Variants in SRGAP2B observed in about 807,000 individuals in gnomAD.
SRGAP2B encodes SLIT-ROBO Rho GTPase-activating protein 2B.
SRGAP2B carries 9 observed loss-of-function variants against 22.2 expected under a neutral mutation model. That is an observed-to-expected ratio of 0.41 (90% CI 0.24 to 0.71). The LOEUF (loss-of-function observed/expected upper bound fraction) is 0.71. SRGAP2B is among the 30% of genes least tolerant of loss of function. The pLI is 0.35. For missense variants in SRGAP2B, 114 were observed against 235.8 expected (o/e 0.48, Z 3.38); for synonymous variants, 36 against 87.4 (o/e 0.41, Z 3.28).
At chr1:145,075,949 G>A (rs1437934342) in intron 2 of SRGAP2B, among the ~76,000 whole-genome samples, 5 of 149,668 alleles carry the variant, frequency 3.3e-5, no homozygotes, top group South Asian at 2.1e-4. Flanking sequence ...TTGGCCCAGC[G>A]TGGTGGCACG....
chr1:144,991,294 G>A (rs1290499663), intron 3 of SRGAP2B, among the ~76,000 whole-genome samples: 4 of 145,988 alleles, frequency 2.7e-5, no homozygotes, highest in Non-Finnish European at 6.0e-5. Flanking sequence ...TACACCAATC[G>A]GCACTCCATA....
chr1:144,971,947 C>T (rs1668556400), intron 3 of SRGAP2B, among the ~76,000 whole-genome samples: 1 of 149,634 alleles, frequency 6.7e-6, no homozygotes, highest in South Asian at 2.1e-4. Context: ...AAGCCCTTAG[C>T]ATCTCAAAGG....
At chr1:144,909,540 T>C (rs1321164385) in intron 5 of SRGAP2B, among the ~76,000 whole-genome samples, 2 of 142,490 alleles carry the variant, frequency 1.4e-5, no homozygotes, top group East Asian at 4.1e-4. Context: ...TGAGCCGAGA[T>C]CACGCCACTG....
At chr1:145,013,736 T>C (rs1291750163) in intron 2 of SRGAP2B, among the ~76,000 whole-genome samples, 2 of 149,478 alleles carry the variant, frequency 1.3e-5, no homozygotes, top group Non-Finnish European at 2.9e-5. Context: ...ACCGCAATCA[T>C]GGCAACTCCT....
intron 3 of SRGAP2B, among the ~76,000 whole-genome samples, chr1:144,976,127 G>A (rs868946514): frequency 8.8e-5 from 13 of 147,188 alleles, no homozygotes; most frequent in South Asian, 4.2e-4. Context: ...TGATCGGCCC[G>A]CCTCGGCCTC....
chr1:145,084,756 A>G (rs1653246538), intron 2 of SRGAP2B, among the ~76,000 whole-genome samples: 1 of 151,766 alleles, frequency 6.6e-6, no homozygotes, highest in Non-Finnish European at 1.5e-5. Context: ...TACCTTAGAA[A>G]GTTGGTCTGT....
intron 2 of SRGAP2B, among the ~76,000 whole-genome samples, chr1:145,002,867 C>T (rs587608668): frequency 7.1e-5 from 10 of 141,210 alleles, no homozygotes; most frequent in Admixed American, 2.1e-4. Context: ...GTGTTGAAAG[C>T]TCAGGAAGAT....
rs1237221616 is a variant in SRGAP2B at position 144,972,963 on chromosome 1, CTGGGCA to C, written c.261-17368_261-17363del. The stretch of plus-strand genomic sequence containing the variant: ...CTCTACCAAAAATACAAAAAACTAG[CTGGGCA>C]TGGTGGTGTGCACCTGTGGTCCTAG... On this transcript the variant is annotated intron_variant, in intron 3 of 9. Coordinates refer to ENST00000612199, the Ensembl canonical transcript of SRGAP2B. Among the ~76,000 whole-genome samples the C allele has an allele frequency of 2.9e-5, 4 of 138,062 alleles. 1 individual carries two copies. Among genetic ancestry groups the C allele is most frequent in the African/African-American group, 1.2e-4 (4 of 33,246 alleles). The allele number at this position is 138,062 out of a possible 152,430, so 90.6% of individuals were successfully genotyped here. A position where few individuals can be genotyped will look rare whatever the true frequency, so the allele number is the denominator to read the frequency against.
intron 2 of SRGAP2B, among the ~76,000 whole-genome samples, chr1:145,010,896 TATTTTCCGTATCATC>T (rs1440850979): frequency 5.0e-5 from 6 of 119,258 alleles, no homozygotes; most frequent in African/African-American, 2.1e-4. Context: ...TATACACTCT[TATTTTCCGTATCATC>T]ATTTTCCATC....
At chr1:144,945,713 C>A (rs1666446170) in intron 4 of SRGAP2B, among the ~76,000 whole-genome samples, 1 of 145,108 alleles carries the variant, frequency 6.9e-6, no homozygotes. Flanking sequence ...GGCCAGAAGG[C>A]AAGTGAATTA....
At chr1:145,015,307 G>A (rs868952573) in intron 2 of SRGAP2B, among the ~76,000 whole-genome samples, 11 of 109,796 alleles carry the variant, frequency 1.0e-4, no homozygotes, top group Admixed American at 1.9e-4. Flanking sequence ...TTGAACTCCT[G>A]GTCTCAAGTG....
chr1:144,931,525 A>G (rs1665181801), intron 4 of SRGAP2B, among the ~76,000 whole-genome samples: 1 of 150,716 alleles, frequency 6.6e-6, no homozygotes, highest in South Asian at 2.1e-4. Context: ...ATTCTGCAGA[A>G]AAGGTTGTGA....
At chr1:145,041,075 G>GTA (rs370443273) in intron 2 of SRGAP2B, among the ~76,000 whole-genome samples, 7,854 of 76,336 alleles carry the variant, frequency 0.1, 242 homozygotes, top group East Asian at 0.17. Context: ...TATATATATA[G>GTA]TATATATATA....
intron 2 of SRGAP2B, among the ~76,000 whole-genome samples, chr1:145,039,204 G>C (rs1343374894): frequency 5.3e-5 from 2 of 37,970 alleles, no homozygotes; most frequent in African/African-American, 1.9e-4. Flanking sequence ...ATGCAAACAT[G>C]TTGGCTCACT....
chr1:144,960,498 TTGGACTATTTA>T (rs1558781897), intron 3 of SRGAP2B, among the ~76,000 whole-genome samples: 1 of 150,288 alleles, frequency 6.7e-6, no homozygotes, highest in Non-Finnish European at 1.5e-5. Flanking sequence ...CTCCCTCAAC[TTGGACTATTTA>T]TGGACGTTCA....
intron 2 of SRGAP2B, among the ~76,000 whole-genome samples, chr1:144,998,272 C>T (rs1299406070): frequency 2.0e-5 from 1 of 49,424 alleles, no homozygotes; most frequent in Admixed American, 2.3e-4. Context: ...CCCACCGACT[C>T]ACCAGCTAGC....
At chr1:144,908,129 CCTCTTTTTTTT>C (rs1317905490) in intron 5 of SRGAP2B, among the ~76,000 whole-genome samples, 3 of 145,526 alleles carry the variant, frequency 2.1e-5, no homozygotes, top group Non-Finnish European at 4.5e-5. Flanking sequence ...ATAGGAGGCT[CCTCTTTTTTTT>C]CTCTTTTTCC....
intron 2 of SRGAP2B, among the ~76,000 whole-genome samples, chr1:145,045,188 C>CTGGAGAA (rs1407105529): frequency 1.0e-4 from 13 of 124,428 alleles, no homozygotes; most frequent in Non-Finnish European, 2.0e-4. Context: ...GGAGCTGAAG[C>CTGGAGAA]TGGAGAATGG....
intron 3 of SRGAP2B, among the ~76,000 whole-genome samples, chr1:144,984,188 C>T (rs1479615350): frequency 2.7e-5 from 4 of 150,184 alleles, no homozygotes; most frequent in East Asian, 1.9e-4. Context: ...GGCGTCGTGG[C>T]GCATGCCTGT....
Sources: allele counts gnomAD v4.1 joint callset (sites outside exome capture counted in the v4.1 genomes callset), GRCh38; gene constraint gnomAD v4.1.1; transcripts MANE v1.5; gene names NCBI Gene and HGNC (gene_info 2026-07-23, HGNC 2026-07-21).